Variants in RTCA observed in about 807,000 individuals in gnomAD.
The protein encoded by RTCA is RNA 3'-terminal phosphate cyclase, also known as RNA terminal phosphate cyclase domain 1.
RTCA carries 37 observed loss-of-function variants against 46.1 expected under a neutral mutation model. The ratio of observed to expected loss-of-function variants is 0.80; its 90% CI spans 0.62 to 1.06. The LOEUF (loss-of-function observed/expected upper bound fraction) is 1.06. Among genes scored for constraint, RTCA ranks in the 50% least tolerant of loss-of-function variants. The pLI, the probability that RTCA is intolerant of heterozygous loss-of-function variation, is 0.00. For synonymous variants in RTCA, 164 were observed against 158.3 expected, an observed-to-expected ratio of 1.04 and a Z score of -0.27; for missense variants, 435 against 455.5, an observed-to-expected ratio of 0.95 and a Z score of 0.41.
At chr1:100,277,848 C>T (rs1557976936) in intron 8 of RTCA, among the ~76,000 whole-genome samples, 1 of 151,616 alleles carries the variant, frequency 6.6e-6, no homozygotes, top group East Asian at 1.9e-4. Context: ...TTTAGTCCCT[C>T]TTTTAATACA....
intron 8 of RTCA, among the ~76,000 whole-genome samples, chr1:100,284,349 T>C (rs1012052083): frequency 1.3e-5 from 2 of 151,844 alleles, no homozygotes; most frequent in Non-Finnish European, 2.9e-5. Context: ...TGTTATATGC[T>C]CTTTTTTTAC....
intron 10 of RTCA, among the ~76,000 whole-genome samples, chr1:100,288,843 A>G (rs1033525430): frequency 6.6e-6 from 1 of 151,020 alleles, no homozygotes; most frequent in African/African-American, 2.4e-5. Context: ...TTTTCTTAAG[A>G]TAGAGTCTTG....
rs1198472969 is a variant in RTCA, at chr1:100,269,129, T to C, written c.290+834T>C. Among the ~76,000 whole-genome samples the C allele has an allele frequency of 2.0e-5, 3 of 151,544 alleles. No homozygotes were observed. In the East Asian group the frequency reaches 5.8e-4, roughly 29 times the overall value. On this transcript the variant is annotated intron_variant, in intron 3 of 10. Transcript: ENST00000370128. Reference sequence around the variant, plus strand: ...GAAGCTGAGGCTTGAGCCTTGGAGGTGGAAGGTGCAGTGAACTGAGATTGT... The same window carrying C: ...GAAGCTGAGGCTTGAGCCTTGGAGGCGGAAGGTGCAGTGAACTGAGATTGT...
chr1:100,275,857 G>T, intron 7 of RTCA, 134 bp downstream of exon 7: 1 of 761,958 alleles, frequency 1.3e-6, no homozygotes, highest in Non-Finnish European at 1.9e-6. Context: ...ATTTATTGAG[G>T]TGGAGTCTCG....
intron 8 of RTCA, 38 bp from the exon 9 acceptor site, chr1:100,285,188 GTT>G: frequency 6.7e-7 from 1 of 1,500,120 alleles, no homozygotes; most frequent in Non-Finnish European, 9.3e-7. Flanking sequence ...GTTTTGTTTT[GTT>G]TTGTTTTGTT....
At chr1:100,275,825 A>G (rs1172296377) in intron 7 of RTCA, 102 bp downstream of exon 7, 13 of 1,026,870 alleles carry the variant, frequency 1.3e-5, no homozygotes, top group Non-Finnish European at 1.8e-5. Context: ...TATAGTTTTA[A>G]GAAGTATTTA....
At chr1:100,286,304 A>C (rs1021501922) in intron 9 of RTCA, among the ~76,000 whole-genome samples, 5 of 151,892 alleles carry the variant, frequency 3.3e-5, no homozygotes, top group Non-Finnish European at 5.9e-5. Flanking sequence ...AATACAAAAA[A>C]TTAGCCGGGC....
In RTCA at chr1:100,285,320, C is replaced by T. The variant is rs915333347; in HGVS notation, c.892C>T (p.Gln298Ter). The T allele has an allele frequency of 6.2e-7, 1 of 1,607,574 alleles. No individual in the cohort carries two copies. Among genetic ancestry groups the T allele is most frequent in the Admixed American group, 1.7e-5 (1 of 59,960 alleles). ...GGTVDEYLQD[Q>*]LIVFMALANG... is the part of the protein sequence containing the mutation. Reference sequence around the variant, plus strand: ...TACTGTGGATGAGTATCTGCAAGACCAGGTAATGACACATTTAGGTTAAAA... The same window carrying T: ...TACTGTGGATGAGTATCTGCAAGACTAGGTAATGACACATTTAGGTTAAAA... Residue 298 changes from glutamine (Q) to a stop codon, truncating the protein, a stop_gained and splice_region_variant, in exon 9 of 11, where the codon CAG (glutamine) becomes TAG (stop). Coordinates refer to ENST00000370128, the MANE Select transcript of RTCA (RefSeq NM_003729.4). LOFTEE classifies it high-confidence loss of function.
rs1012569441 is a variant in RTCA at position 100,266,683 on chromosome 1, G to T, written c.146+59G>T. 11 of 1,425,318 alleles carry T rather than the reference G, an allele frequency of 7.7e-6. No individual in the cohort carries two copies. The Admixed American group carries it at 9.8e-5, about 13-fold the overall frequency. 88.3% of individuals were successfully genotyped at this position (1,425,318 alleles called of 1,614,324 possible). ...AGCTGGGGGATCGGGGGGTCGGGCT[G>T]CCGGGCTGGGGCATCGGGAGTCCGA... On this transcript the variant is annotated intron_variant, in intron 2 of 10. Coordinates refer to ENST00000370128, the MANE Select transcript of RTCA (RefSeq NM_003729.4).
Position 100,266,640 on chromosome 1 carries a change from G to A in RTCA, c.146+16G>A, listed in dbSNP as rs561141492. 6.3e-7 allele frequency: 1 copy of A among 1,594,172 alleles called. No individual in the cohort carries two copies. Among genetic ancestry groups the A allele is most frequent in the African/African-American group, 1.3e-5 (1 of 74,644 alleles). ...CAGGCCTGAGGTAAATCTGGCTGGA[G>A]GGGGAGTTGGGCCGTGAAGCTGGGG... On this transcript the variant is annotated intron_variant, in intron 2 of 10. Coordinates refer to ENST00000370128, the MANE Select transcript of RTCA (RefSeq NM_003729.4).
intron 2 of RTCA, chr1:100,266,903 C>T: frequency 2.2e-6 from 1 of 454,850 alleles, no homozygotes; most frequent in Non-Finnish European, 4.0e-6. Context: ...CTCACCTCAC[C>T]GGGCATTCCA....
Position 100,277,252 on chromosome 1 carries a change from G to C in RTCA, c.741-6G>C. ...AAAGGTAGTAATAACTTTTTTTCTTGCATAGAATTATTGCTGAGACCTCCA... is the reference window on the plus strand; with the variant it reads ...AAAGGTAGTAATAACTTTTTTTCTTCCATAGAATTATTGCTGAGACCTCCA... On this transcript the variant is annotated splice_polypyrimidine_tract_variant and splice_region_variant and intron_variant, in intron 7 of 10. Coordinates refer to ENST00000370128, the MANE Select transcript of RTCA (RefSeq NM_003729.4). 6.2e-7 allele frequency: 1 copy of C among 1,611,856 alleles called. No individual in the cohort carries two copies.
intron 3 of RTCA, among the ~76,000 whole-genome samples, chr1:100,268,526 G>A (rs1417424302): frequency 6.6e-6 from 1 of 152,054 alleles, no homozygotes; most frequent in Non-Finnish European, 1.5e-5. Context: ...CTCCTGCGTG[G>A]CTGGGACCAT....
At chr1:100,273,611 G>A (rs190715468) in intron 5 of RTCA, among the ~76,000 whole-genome samples, 159 bp downstream of exon 5, 1 of 152,252 alleles carries the variant, frequency 6.6e-6, no homozygotes, top group East Asian at 1.9e-4. Flanking sequence ...ATGAATAGCA[G>A]GAGCATGGGG....
Position 100,274,813 on chromosome 1 carries a change from A to G in RTCA, c.474-11A>G. The G allele has an allele frequency of 6.2e-7, 1 of 1,600,690 alleles. No individual in the cohort carries two copies. The highest frequency in any genetic ancestry group is 8.5e-7 in the Non-Finnish European group (1 of 1,171,332). ...ATCAGTTTATGTGGGCATTTGTTAT[A>G]CTTTTCATAGGGGATATTACCCAAA... is the stretch of plus-strand genomic sequence containing the variant. On this transcript the variant is annotated splice_polypyrimidine_tract_variant and intron_variant, in intron 5 of 10. Transcript: ENST00000370128.
In RTCA at chr1:100,274,906, C is replaced by T. The variant is rs1031158850; in HGVS notation, c.556C>T (p.Arg186Cys). Residue 186 changes from arginine (R) to cysteine (C), a missense_variant, in exon 6 of 11, where the codon CGT becomes TGT. By Grantham distance (180) the Arg-to-Cys change is radical. Coordinates refer to ENST00000370128, the MANE Select transcript of RTCA (RefSeq NM_003729.4). ...KQLNPINLTERGCVTKIYGRA... is the reference protein window; with the variant it reads ...KQLNPINLTECGCVTKIYGRA... Reference sequence around the variant, plus strand: ...ATTGAACCCTATAAATTTAACTGAGCGTGGCTGTGTGACTAAGATATATGG... The same window carrying T: ...ATTGAACCCTATAAATTTAACTGAGTGTGGCTGTGTGACTAAGATATATGG... 7.4e-6 allele frequency: 12 copies of T among 1,613,148 alleles called. No individual in the cohort carries two copies. Among genetic ancestry groups the T allele is most frequent in the Admixed American group, 5.0e-5 (3 of 59,980 alleles).
At chr1:100,283,935 G>GAAAAAAA (rs763030720) in intron 8 of RTCA, among the ~76,000 whole-genome samples, 1 of 55,120 alleles carries the variant, frequency 1.8e-5, no homozygotes, top group African/African-American at 4.0e-5. Context: ...AAAAAAAAAA[G>GAAAAAAA]AAAAAAAAAA....
intron 4 of RTCA, among the ~76,000 whole-genome samples, chr1:100,272,547 A>T (rs1666154225): frequency 6.6e-6 from 1 of 152,246 alleles, no homozygotes; most frequent in African/African-American, 2.4e-5. Context: ...AACAAGGTTA[A>T]TAACCTGTAT....
chr1:100,275,103 G>C, intron 6 of RTCA, 138 bp downstream of exon 6: 2 of 843,918 alleles, frequency 2.4e-6, no homozygotes, highest in Non-Finnish European at 3.5e-6. Context: ...CAATATGGCT[G>C]CAGCTGGAGG....
Sources: gnomAD v4.1 joint callset for allele counts (sites outside exome capture counted in the v4.1 genomes callset) on GRCh38, gnomAD v4.1.1 for gene constraint, MANE v1.5 for transcripts, NCBI Gene and HGNC (gene_info 2026-07-23, HGNC 2026-07-21) for gene names.